APEH: variants seen among roughly 807,000 people sequenced by gnomAD.
APEH encodes the protein acylamino-acid-releasing enzyme.
Under a neutral mutation model 102.7 loss-of-function variants are expected in APEH, and 75 were observed. That is an observed-to-expected ratio of 0.73 (90% confidence interval 0.61 to 0.89). The LOEUF is 0.89. Ranked by LOEUF, APEH falls within the 40% of genes least tolerant of loss-of-function variation. The pLI is 0.00. For missense variants in APEH, 863 were observed against 941.2 expected, an observed-to-expected ratio of 0.92 and a Z score of 1.09; for synonymous variants, 344 against 362.7, an observed-to-expected ratio of 0.95 and a Z score of 0.59.
chr3:49,682,827 G>C lies in APEH; in HGVS notation c.1884-16G>C, dbSNP rs191151496. 7.1e-5 allele frequency: 114 copies of C among 1,613,902 alleles called. No individual in the cohort carries two copies. The East Asian group carries it at 1.9e-3, about 27-fold the overall frequency. On this transcript the variant is annotated splice_polypyrimidine_tract_variant and intron_variant, in intron 19 of 21. Transcript: ENST00000296456. ...CCCCAGAATTCCTGGGGCTGCAACA[G>C]CTCGGTGTCTTGCAGGTGCGTGGTG... is the stretch of plus-strand genomic sequence containing the variant.
chr3:49,678,816 C>T (rs202018733), intron 11 of APEH, 36 bp from the exon 12 acceptor site: 85 of 1,549,492 alleles, frequency 5.5e-5, no homozygotes, highest in Admixed American at 2.3e-4. Context: ...CCTACCTCCA[C>T]TCCTGGATGC....
rs774564457 is a variant in APEH at position 49,682,357 on chromosome 3, G to A, written c.1613G>A (p.Arg538His). ...MGFAVLLVNY[R>H]GSTGFGQDSI... Reference sequence around the variant, plus strand: ...CCCTCCCTGCCCTCAGTGAACTATCGTGGCTCCACGGGCTTTGGCCAGGAC... The same window carrying A: ...CCCTCCCTGCCCTCAGTGAACTATCATGGCTCCACGGGCTTTGGCCAGGAC... Residue 538 changes from arginine to histidine, a missense_variant, in exon 18 of 22, where the codon CGT (arginine) becomes CAT (histidine). Transcript: ENST00000296456. The A allele has an allele frequency of 5.0e-6, 8 of 1,613,196 alleles. No individual in the cohort carries two copies. The highest frequency in any genetic ancestry group is 2.2e-5 in the South Asian group (2 of 90,946).
In APEH at chr3:49,682,646, G is replaced by C. The variant is rs754823308; in HGVS notation, c.1793G>C (p.Gly598Ala). Residue 598 changes from glycine to alanine, a missense_variant, in exon 19 of 22, where the codon GGT becomes GCT. Gly to Ala is a moderately conservative substitution (Grantham distance 60). Transcript: ENST00000296456. ...HGGFISCHLIGQYPETYRACV... is the reference protein window; with the variant it reads ...HGGFISCHLIAQYPETYRACV... ...GGCTTCATTTCCTGCCACTTGATTG[G>C]TCAGTACCCAGAGACCTACAGGGCC... 2.9e-5 allele frequency: 47 copies of C among 1,613,960 alleles called. No homozygotes were observed. Among genetic ancestry groups the C allele is most frequent in the Non-Finnish European group, 3.6e-5 (43 of 1,180,038 alleles).
At position 49,682,405 on chromosome 3, in the gene APEH, A is replaced by T. The variant is rs374100224; in HGVS notation, c.1661A>T (p.Asn554Ile). The T allele has an allele frequency of 3.7e-6, 6 of 1,614,054 alleles. No individual in the cohort carries two copies. The highest frequency in any genetic ancestry group is 3.4e-6 in the Non-Finnish European group (4 of 1,179,952). Residue 554 changes from asparagine to isoleucine, a missense_variant, in exon 18 of 22, where the codon AAT becomes ATT. Asn to Ile is a moderately radical substitution (Grantham distance 149, BLOSUM62 -3). Transcript: ENST00000296456. Reference sequence around the variant, plus strand: ...GACAGCATCCTCTCCCTCCCAGGCAATGTGGGCCACCAGGATGTGAAGGAT... The same window carrying T: ...GACAGCATCCTCTCCCTCCCAGGCATTGTGGGCCACCAGGATGTGAAGGAT... ...GQDSILSLPG[N>I]VGHQDVKDVQ...
Position 49,681,730 on chromosome 3 carries a change from G to T in APEH, c.1447G>T (p.Asp483Tyr). The change falls in exon 16 of 22, where the codon GAC (aspartate) becomes TAC (tyrosine). Residue 483 changes from aspartate (D) to tyrosine (Y), a missense_variant. By Grantham distance (160) the Asp-to-Tyr change is radical. Transcript: ENST00000296456. ...CTGCCCTCTCCCTGCAGCTGGCCTT[G>T]ACTTTGAAGCAATCCTGCTGCAGCC... ...EQENVQYAGL[D>Y]FEAILLQPGS... 6.3e-7 allele frequency: 1 copy of T among 1,590,226 alleles called. No homozygotes were observed. Among genetic ancestry groups the T allele is most frequent in the South Asian group, 1.2e-5 (1 of 86,900 alleles).
Sources: allele counts gnomAD v4.1 joint callset, GRCh38; gene constraint gnomAD v4.1.1; transcripts MANE v1.5; gene names NCBI Gene and HGNC (gene_info 2026-07-23, HGNC 2026-07-21).